CAMKMT: variants seen among roughly 807,000 people sequenced by gnomAD.
CAMKMT encodes calmodulin-lysine N-methyltransferase.
A neutral mutation model predicts 48.0 loss-of-function variants in CAMKMT; 53 were observed. The ratio of observed to expected loss-of-function variants is 1.10; its 90% CI spans 0.89 to 1.39. The LOEUF (loss-of-function observed/expected upper bound fraction) is 1.39. Among genes scored for constraint, CAMKMT ranks in the 40% most tolerant of loss-of-function variants. CAMKMT has a pLI of 0.00. For missense variants in CAMKMT, 428 were observed against 402.7 expected (o/e 1.06, Z -0.54); for synonymous variants, 165 against 152.3 (o/e 1.08, Z -0.61).
At chr2:44,519,518 T>G (rs12185568) in intron 3 of CAMKMT, among the ~76,000 whole-genome samples, 1 of 152,002 alleles carries the variant, frequency 6.6e-6, no homozygotes, top group Non-Finnish European at 1.5e-5. Flanking sequence ...CTCTCTGCCT[T>G]AGTACGAGGC....
chr2:44,602,491 C>T (rs1671055125), intron 3 of CAMKMT, among the ~76,000 whole-genome samples: 1 of 152,044 alleles, frequency 6.6e-6, no homozygotes, highest in Admixed American at 6.5e-5. Flanking sequence ...CAACTAACAT[C>T]TTATTATACT....
At chr2:44,390,353 G>C in intron 3 of CAMKMT, 48 bp downstream of exon 3, 1 of 1,358,300 alleles carries the variant, frequency 7.4e-7, no homozygotes, top group Non-Finnish European at 1.0e-6. Flanking sequence ...GTTTTACAAA[G>C]TGAATTTATA....
chr2:44,390,963 A>G, intron 3 of CAMKMT, among the ~76,000 whole-genome samples: 1 of 152,210 alleles, frequency 6.6e-6, no homozygotes, highest in Non-Finnish European at 1.5e-5. Context: ...TGAGTTAAAC[A>G]GCATACCATC....
intron 3 of CAMKMT, among the ~76,000 whole-genome samples, chr2:44,577,155 G>C (rs1055744368): frequency 1.3e-5 from 2 of 152,192 alleles, no homozygotes; most frequent in African/African-American, 4.8e-5. Flanking sequence ...TAAAATACAG[G>C]TGGGTTATAA....
At chr2:44,579,225 T>C (rs1365514699) in intron 3 of CAMKMT, among the ~76,000 whole-genome samples, 2 of 111,788 alleles carry the variant, frequency 1.8e-5, no homozygotes, top group Non-Finnish European at 3.9e-5. Flanking sequence ...AGTATAATAA[T>C]GTTCTATTTT....
chr2:44,369,344 G>A (rs1230179948), intron 1 of CAMKMT, among the ~76,000 whole-genome samples: 2 of 151,992 alleles, frequency 1.3e-5, no homozygotes, highest in African/African-American at 2.4e-5. Flanking sequence ...TATTCATACT[G>A]ATATATTTTC....
At chr2:44,685,258 G>T (rs1676274463) in intron 3 of CAMKMT, among the ~76,000 whole-genome samples, 1 of 152,150 alleles carries the variant, frequency 6.6e-6, no homozygotes, top group Middle Eastern at 3.2e-3. Context: ...CTCTCAAATA[G>T]AAAAAGTGGG....
At chr2:44,461,139 C>T (rs190375519) in intron 3 of CAMKMT, among the ~76,000 whole-genome samples, 14 of 152,174 alleles carry the variant, frequency 9.2e-5, no homozygotes, top group Admixed American at 2.0e-4. Context: ...GGTTTCCAGA[C>T]GGTCTAAAAA....
intron 2 of CAMKMT, among the ~76,000 whole-genome samples, chr2:44,378,641 G>A (rs1679936318): frequency 6.6e-6 from 1 of 152,082 alleles, no homozygotes; most frequent in African/African-American, 2.4e-5. Context: ...CTACAGGCAT[G>A]TGCCACCACG....
At chr2:44,583,164 G>C (rs943626401) in intron 3 of CAMKMT, among the ~76,000 whole-genome samples, 2 of 152,116 alleles carry the variant, frequency 1.3e-5, no homozygotes, top group African/African-American at 2.4e-5. Flanking sequence ...TATAGAAGGA[G>C]CTTTATTGAT....
chr2:44,520,257 T>C (rs1671034649), intron 3 of CAMKMT, among the ~76,000 whole-genome samples: 1 of 151,916 alleles, frequency 6.6e-6, no homozygotes, highest in East Asian at 1.9e-4. Flanking sequence ...TTAGTTGAGA[T>C]GGGGTCTCGC....
chr2:44,740,824 G>A (rs1573210445), intron 7 of CAMKMT, among the ~76,000 whole-genome samples: 1 of 152,276 alleles, frequency 6.6e-6, no homozygotes, highest in East Asian at 1.9e-4. Flanking sequence ...GAGCAAGAAA[G>A]AAAGATAAAT....
chr2:44,372,665 C>G, intron 1 of CAMKMT, 51 bp from the exon 2 acceptor site: 1 of 1,540,342 alleles, frequency 6.5e-7, no homozygotes, highest in Non-Finnish European at 8.8e-7. Flanking sequence ...GAACACTAAA[C>G]TTACTATATG....
At chr2:44,724,505 C>G (rs75656918) in intron 7 of CAMKMT, among the ~76,000 whole-genome samples, 1 of 152,136 alleles carries the variant, frequency 6.6e-6, no homozygotes, top group African/African-American at 2.4e-5. Context: ...ATCACCTTCT[C>G]AGGTGATTCT....
intron 3 of CAMKMT, among the ~76,000 whole-genome samples, chr2:44,645,196 A>G (rs1673666018): frequency 6.6e-6 from 1 of 152,258 alleles, no homozygotes; most frequent in Admixed American, 6.5e-5. Context: ...GGGTAAAAGC[A>G]GAAGGAAACA....
intron 3 of CAMKMT, among the ~76,000 whole-genome samples, chr2:44,494,974 G>A (rs1669688751): frequency 6.6e-6 from 1 of 152,128 alleles, no homozygotes; most frequent in Non-Finnish European, 1.5e-5. Flanking sequence ...ATCTCACACA[G>A]TAGTTGCTCA....
At chr2:44,431,385 C>G (rs1256731841) in intron 3 of CAMKMT, among the ~76,000 whole-genome samples, 1 of 152,014 alleles carries the variant, frequency 6.6e-6, no homozygotes, top group Non-Finnish European at 1.5e-5. Context: ...TGACTTTTTT[C>G]CCTTTTTGTT....
chr2:44,639,638 A>G (rs751692890), intron 3 of CAMKMT, among the ~76,000 whole-genome samples: 1 of 152,218 alleles, frequency 6.6e-6, no homozygotes, highest in Non-Finnish European at 1.5e-5. Context: ...GGTGGTTTAT[A>G]TATGACATAC....
chr2:44,525,111 T>G (rs554301002), intron 3 of CAMKMT, among the ~76,000 whole-genome samples: 1 of 152,130 alleles, frequency 6.6e-6, no homozygotes, highest in Non-Finnish European at 1.5e-5. Context: ...ATACTGGAAA[T>G]TTTTCAGGCA....
Sources: gnomAD v4.1 joint callset for allele counts (sites outside exome capture counted in the v4.1 genomes callset) on GRCh38, gnomAD v4.1.1 for gene constraint, MANE v1.5 for transcripts, NCBI Gene and HGNC (gene_info 2026-07-23, HGNC 2026-07-21) for gene names.